The following ASAP2 variants were observed in gnomAD, a reference collection of about 807,000 sequenced individuals.
The protein encoded by ASAP2 is ArfGAP with SH3 domain, ankyrin repeat and PH domain 2.
Under a neutral mutation model 131.4 loss-of-function variants are expected in ASAP2, and 45 were observed. The ratio of observed to expected loss-of-function variants is 0.34; its 90% CI spans 0.27 to 0.44. The LOEUF (loss-of-function observed/expected upper bound fraction) is 0.44, where lower values mean the gene tolerates loss of function less well. Among genes scored for constraint, ASAP2 ranks in the 20% least tolerant of loss-of-function variants. The pLI is 1.00. For synonymous variants in ASAP2, 510 were observed against 503.0 expected (o/e 1.01, Z -0.19); for missense variants, 1,011 against 1,297.0 (o/e 0.78, Z 3.39).
intron 3 of ASAP2, among the ~76,000 whole-genome samples, chr2:9,301,300 T>C (rs1668457603): frequency 6.6e-6 from 1 of 152,224 alleles, no homozygotes; most frequent in African/African-American, 2.4e-5. Flanking sequence ...GCCAGCTTAA[T>C]ATAAAGCAAG....
At chr2:9,331,467 A>G (rs1321804635) in intron 7 of ASAP2, among the ~76,000 whole-genome samples, 3 of 152,184 alleles carry the variant, frequency 2.0e-5, no homozygotes, top group Non-Finnish European at 2.9e-5. Flanking sequence ...ACATTATAAA[A>G]TAAAGACAGC....
rs537834642 is a variant in ASAP2 at position 9,318,605 on chromosome 2, C to A, written c.420+7C>A. The A allele has an allele frequency of 6.2e-7, 1 of 1,601,876 alleles. No individual in the cohort carries two copies. Among genetic ancestry groups the A allele is most frequent in the South Asian group, 1.1e-5 (1 of 89,532 alleles). On this transcript the variant is annotated splice_region_variant and intron_variant, in intron 4 of 27. Transcript: ENST00000281419. ...CCTGAAAGGAGTGAAAGGGGTATGACATTGACACTGTGACACCAGGGGCAG... is the reference window on the plus strand; with the variant it reads ...CCTGAAAGGAGTGAAAGGGGTATGAAATTGACACTGTGACACCAGGGGCAG...
chr2:9,378,886 C>A, intron 18 of ASAP2, 58 bp from the exon 19 acceptor site: 1 of 1,264,162 alleles, frequency 7.9e-7, no homozygotes. Context: ...GCCGGGCAGT[C>A]CCTGGTCGTC....
intron 1 of ASAP2, among the ~76,000 whole-genome samples, chr2:9,236,998 A>G (rs1329045724): frequency 2.6e-5 from 4 of 152,106 alleles, no homozygotes; most frequent in Admixed American, 6.5e-5. Flanking sequence ...GGCAGGGGCT[A>G]GTGAAGGCAG....
chr2:9,218,681 C>T (rs778975189), intron 1 of ASAP2, among the ~76,000 whole-genome samples: 16 of 152,138 alleles, frequency 1.1e-4, no homozygotes, highest in Non-Finnish European at 1.6e-4. Flanking sequence ...GCCTCAGTTG[C>T]GTCATTTGTA....
At chr2:9,325,531 T>C (rs539891170) in intron 6 of ASAP2, among the ~76,000 whole-genome samples, 173 of 152,338 alleles carry the variant, frequency 1.1e-3, no homozygotes, top group Middle Eastern at 3.4e-3. Context: ...TCTATTTACC[T>C]AAACACTTTA....
chr2:9,236,785 C>T (rs1330009219), intron 1 of ASAP2, among the ~76,000 whole-genome samples: 1 of 152,120 alleles, frequency 6.6e-6, no homozygotes, highest in African/African-American at 2.4e-5. Flanking sequence ...TTTGTCAGCA[C>T]AGTTAAATTT....
intron 15 of ASAP2, 128 bp from the exon 16 acceptor site, chr2:9,368,297 A>G (rs1673634843): frequency 7.1e-6 from 6 of 846,144 alleles, no homozygotes; most frequent in Non-Finnish European, 1.1e-5. Flanking sequence ...ATCTTCATTA[A>G]AGGCAAACCA....
intron 3 of ASAP2, 55 bp from the exon 4 acceptor site, chr2:9,318,465 CCTTA>C: frequency 7.8e-7 from 1 of 1,289,072 alleles, no homozygotes; most frequent in Non-Finnish European, 1.1e-6. Context: ...TCCTTGCTGT[CCTTA>C]CTTTAGATTC....
At chr2:9,241,912 A>C (rs1057387244) in intron 1 of ASAP2, among the ~76,000 whole-genome samples, 10 of 152,204 alleles carry the variant, frequency 6.6e-5, no homozygotes, top group African/African-American at 2.4e-4. Context: ...GGGTCCCAAT[A>C]AGTTTAGGGG....
chr2:9,271,753 C>T (rs1448589843), intron 1 of ASAP2: 1 of 403,906 alleles, frequency 2.5e-6, no homozygotes, highest in Non-Finnish European at 4.4e-6. Flanking sequence ...GGCTCAGTGA[C>T]TGGGGTGGTT....
At chr2:9,320,160 G>A (rs556480210) in intron 4 of ASAP2, 128 bp from the exon 5 acceptor site, 33 of 727,608 alleles carry the variant, frequency 4.5e-5, no homozygotes, top group African/African-American at 2.9e-4. Context: ...TTTATTTTTC[G>A]TGGGATTACA....
At chr2:9,386,980 G>A (rs1311995874) in intron 21 of ASAP2, among the ~76,000 whole-genome samples, 4 of 151,936 alleles carry the variant, frequency 2.6e-5, no homozygotes, top group Non-Finnish European at 4.4e-5. Flanking sequence ...TGAGGCGGGC[G>A]GATCACGAGG....
At chr2:9,241,709 T>C (rs1289150818) in intron 1 of ASAP2, among the ~76,000 whole-genome samples, 1 of 152,218 alleles carries the variant, frequency 6.6e-6, no homozygotes, top group Non-Finnish European at 1.5e-5. Context: ...GTACTGTAAT[T>C]TTCCTATTGT....
At chr2:9,402,153 G>A (rs1378988610) in intron 27 of ASAP2, among the ~76,000 whole-genome samples, 1 of 152,240 alleles carries the variant, frequency 6.6e-6, no homozygotes, top group African/African-American at 2.4e-5. Flanking sequence ...TCTTTGTCGA[G>A]TGCGAGGAGT....
At chr2:9,272,903 C>CT (rs1362273824) in intron 1 of ASAP2, among the ~76,000 whole-genome samples, 1 of 152,054 alleles carries the variant, frequency 6.6e-6, no homozygotes, top group Admixed American at 6.6e-5. Context: ...TTCCATTAGT[C>CT]TATGTGTCTG....
intron 2 of ASAP2, among the ~76,000 whole-genome samples, 180 bp downstream of exon 2, chr2:9,279,569 G>A (rs990122137): frequency 1.4e-4 from 22 of 152,190 alleles, no homozygotes; most frequent in Non-Finnish European, 2.4e-4. Context: ...TTTGCCAGTC[G>A]TCTGATTCAG....
chr2:9,282,340 G>A (rs749728984), intron 2 of ASAP2, among the ~76,000 whole-genome samples: 6 of 152,164 alleles, frequency 3.9e-5, no homozygotes, highest in Middle Eastern at 3.2e-3. Context: ...CGGAACAAGC[G>A]TTGTCTACTG....
At chr2:9,256,452 A>T (rs1330227098) in intron 1 of ASAP2, among the ~76,000 whole-genome samples, 1 of 152,220 alleles carries the variant, frequency 6.6e-6, no homozygotes, top group Non-Finnish European at 1.5e-5. Flanking sequence ...AGCAGTCAAT[A>T]TATGTTTCAG....
Sources: allele counts gnomAD v4.1 joint callset (sites outside exome capture counted in the v4.1 genomes callset), GRCh38; gene constraint gnomAD v4.1.1; transcripts MANE v1.5; gene names NCBI Gene and HGNC (gene_info 2026-07-23, HGNC 2026-07-21).